Variants in IQGAP3 observed in about 807,000 individuals in gnomAD.
IQGAP3 encodes the protein ras GTPase-activating-like protein IQGAP3.
Under a neutral mutation model 208.2 loss-of-function variants are expected in IQGAP3, and 165 were observed. That is an observed-to-expected ratio of 0.79 (90% CI 0.70 to 0.90). The LOEUF (loss-of-function observed/expected upper bound fraction) is 0.90. Among genes scored for constraint, IQGAP3 ranks in the 40% least tolerant of loss-of-function variants. IQGAP3 has a pLI of 0.00. For synonymous variants in IQGAP3, 703 were observed against 803.6 expected (o/e 0.87, Z 2.12); for missense variants, 1,811 against 2,043.1 (o/e 0.89, Z 2.19).
intron 24 of IQGAP3, 137 bp from the exon 25 acceptor site, chr1:156,539,674 TC>T: frequency 8.4e-7 from 1 of 1,196,374 alleles, no homozygotes; most frequent in Non-Finnish European, 1.2e-6. Context: ...CTAGTAACAT[TC>T]CAGACAAACA....
intron 5 of IQGAP3, 60 bp downstream of exon 5, chr1:156,564,555 G>A (rs1276750997): frequency 9.2e-7 from 1 of 1,083,364 alleles, no homozygotes; most frequent in Non-Finnish European, 1.4e-6. Flanking sequence ...GTTTGTTGTT[G>A]TTGATTGTTG....
At chr1:156,565,893 T>A in intron 4 of IQGAP3, 134 bp downstream of exon 4, 1 of 711,140 alleles carries the variant, frequency 1.4e-6, no homozygotes, top group Non-Finnish European at 2.5e-6. Context: ...TGCAAGGAAC[T>A]GTTCTCTTAG....
Position 156,563,286 on chromosome 1 carries a change from C to A in IQGAP3, c.646G>T (p.Glu216Ter). 1.9e-6 allele frequency: 3 copies of A among 1,605,374 alleles called. No homozygotes were observed. Among genetic ancestry groups the A allele is most frequent in the South Asian group, 1.1e-5 (1 of 90,436 alleles). Reference protein sequence around the residue: ...AVHAAVLAINEAVERGVVEDT... With the variant: ...AVHAAVLAIN ...TCCACCACCCCTCGCTCCACTGCTT[C>A]ATTGATGGCAAGAACAGCTGCATGG... The change falls in exon 8 of 38, where the codon GAA (glutamate) becomes TAA (stop). Residue 216 changes from glutamate (E) to a stop codon, truncating the protein, a stop_gained. Transcript: ENST00000361170. LOFTEE classifies it high-confidence loss of function.
At position 156,553,156 on chromosome 1, in the gene IQGAP3, G is replaced by T. The variant is rs1020687289; in HGVS notation, c.1449-1061C>A. 2.0e-5 allele frequency among the ~76,000 whole-genome samples: 3 copies of T among 152,116 alleles called. No individual in the cohort carries two copies. The South Asian group carries it at 6.2e-4, about 32-fold the overall frequency. On this transcript the variant is annotated intron_variant, in intron 13 of 37. Transcript: ENST00000361170. ...GCACCACTGCACTCCAGCCTGGGTG[G>T]CAGAGCAAGACCCTGTCTCTAAAAA... is the stretch of plus-strand genomic sequence containing the variant.
intron 2 of IQGAP3, among the ~76,000 whole-genome samples, chr1:156,569,122 T>C (rs1676526861): frequency 6.6e-6 from 1 of 152,094 alleles, no homozygotes; most frequent in African/African-American, 2.4e-5. Context: ...AATAATTTAG[T>C]TGGATATTAT....
intron 4 of IQGAP3, 36 bp from the exon 5 acceptor site, chr1:156,564,727 A>G: frequency 6.9e-7 from 1 of 1,455,328 alleles, no homozygotes; most frequent in Non-Finnish European, 9.7e-7. Context: ...GCCATTGGGA[A>G]CCTTTAAGCA....
intron 13 of IQGAP3, among the ~76,000 whole-genome samples, chr1:156,553,762 G>C (rs1199902565): frequency 1.3e-5 from 2 of 151,970 alleles, no homozygotes; most frequent in African/African-American, 4.8e-5. Flanking sequence ...TGTATTTTTA[G>C]TAGAGATGGG....
At chr1:156,530,946 G>A (rs1441826879) in intron 33 of IQGAP3, among the ~76,000 whole-genome samples, 1 of 152,174 alleles carries the variant, frequency 6.6e-6, no homozygotes, top group Non-Finnish European at 1.5e-5. Context: ...GTGGGGAGAG[G>A]GGTGGGGCCC....
Position 156,537,293 on chromosome 1 carries a change from G to C in IQGAP3, c.3310C>G (p.Gln1104Glu). 1.2e-6 allele frequency: 2 copies of C among 1,613,910 alleles called. No individual in the cohort carries two copies. The highest frequency in any genetic ancestry group is 1.7e-6 in the Non-Finnish European group (2 of 1,179,886). The change falls in exon 27 of 38, where the codon CAG becomes GAG. Residue 1104 changes from glutamine to glutamate, a missense_variant. Coordinates refer to ENST00000361170, the MANE Select transcript of IQGAP3 (RefSeq NM_178229.5). The part of the protein sequence containing the change: ...SHLPYDVTPE[Q>E]ALSHPEVQRR... Reference sequence around the variant, plus strand: ...TGGACCTCGGGGTGGCTCAAGGCCTGCTCCGGGGTGACATCATATGGGAGA... The same window carrying C: ...TGGACCTCGGGGTGGCTCAAGGCCTCCTCCGGGGTGACATCATATGGGAGA...
chr1:156,539,729 T>C, intron 24 of IQGAP3, 109 bp downstream of exon 24: 1 of 1,342,082 alleles, frequency 7.5e-7, no homozygotes, highest in South Asian at 1.3e-5. Context: ...GAATTAAGAT[T>C]ATGGGAAAGG....
Position 156,528,935 on chromosome 1 carries a change from G to T in IQGAP3, c.4552C>A (p.His1518Asn), listed in dbSNP as rs748590937. The T allele has an allele frequency of 3.7e-6, 6 of 1,614,228 alleles. No homozygotes were observed. The South Asian group carries it at 6.6e-5, about 18-fold the overall frequency. ...YSQYIRACLD[H>N]LAPDSKSSGK... Reference sequence around the variant, plus strand: ...ACCTACTTGGAGTCGGGGGCCAGGTGGTCCAGGCAGGCCCGGATGTACTGG... The same window carrying T: ...ACCTACTTGGAGTCGGGGGCCAGGTTGTCCAGGCAGGCCCGGATGTACTGG... Residue 1518 changes from histidine (H) to asparagine (N), a missense_variant, in exon 35 of 38, where the codon CAC becomes AAC. Physicochemically the swap from His to Asn is moderately conservative, Grantham distance 68. Transcript: ENST00000361170.
At chr1:156,537,446 G>A (rs1674745169) in intron 26 of IQGAP3, 125 bp from the exon 27 acceptor site, 1 of 911,590 alleles carries the variant, frequency 1.1e-6, no homozygotes, top group African/African-American at 1.7e-5. Flanking sequence ...GGACAGCTCA[G>A]CATGCTAAAG....
chr1:156,563,869 T>A, intron 5 of IQGAP3, 45 bp from the exon 6 acceptor site: 2 of 1,526,874 alleles, frequency 1.3e-6, no homozygotes, highest in Non-Finnish European at 1.8e-6. Context: ...GGCCTATTCA[T>A]TTTGACACTC....
chr1:156,529,094 GA>G lies in IQGAP3; in HGVS notation c.4405-13del. 1 of 1,613,634 alleles carries G rather than the reference GA, an allele frequency of 6.2e-7. No individual in the cohort carries two copies. The highest frequency in any genetic ancestry group is 8.5e-7 in the Non-Finnish European group (1 of 1,179,592). ...TGGTTGCGGATGTCCTGGGGTTGGG[GA>G]ACAGATGGAGGGATGAGTGGTCCTT... On this transcript the variant is annotated splice_polypyrimidine_tract_variant and intron_variant, in intron 34 of 37. Coordinates refer to ENST00000361170, the MANE Select transcript of IQGAP3 (RefSeq NM_178229.5).
At chr1:156,539,634 G>C (rs1674880546) in intron 24 of IQGAP3, 97 bp from the exon 25 acceptor site, 1 of 1,357,498 alleles carries the variant, frequency 7.4e-7, no homozygotes, top group Non-Finnish European at 1.0e-6. Context: ...ATCTGGAATG[G>C]AGAAAGCACT....
intron 19 of IQGAP3, among the ~76,000 whole-genome samples, chr1:156,546,071 G>A (rs747142963): frequency 1.3e-5 from 2 of 152,142 alleles, no homozygotes; most frequent in Non-Finnish European, 2.9e-5. Context: ...TTCCAAGCCT[G>A]CCCTCAGGAC....
chr1:156,531,751 C>A (rs1345462937), intron 32 of IQGAP3, among the ~76,000 whole-genome samples: 1 of 151,898 alleles, frequency 6.6e-6, no homozygotes, highest in Non-Finnish European at 1.5e-5. Context: ...ATTACAGGTG[C>A]CTGCCACCAC....
chr1:156,533,356 G>A (rs1674516433), intron 31 of IQGAP3, among the ~76,000 whole-genome samples: 1 of 152,076 alleles, frequency 6.6e-6, no homozygotes, highest in African/African-American at 2.4e-5. Context: ...CACACCCTCA[G>A]CCCTGGGTGC....
intron 37 of IQGAP3, among the ~76,000 whole-genome samples, chr1:156,527,550 C>T (rs187037556): frequency 1.3e-5 from 2 of 152,332 alleles, no homozygotes; most frequent in East Asian, 3.9e-4. Context: ...TGCTTCACTC[C>T]TTTCCTGAAC....
Sources: allele counts gnomAD v4.1 joint callset (sites outside exome capture counted in the v4.1 genomes callset), GRCh38; gene constraint gnomAD v4.1.1; transcripts MANE v1.5; gene names NCBI Gene and HGNC (gene_info 2026-07-23, HGNC 2026-07-21).